EPHA6: variants seen among roughly 807,000 people sequenced by gnomAD.
EPHA6 encodes the protein EPH receptor A6, also known as ephrin type-A receptor 6.
A neutral mutation model predicts 112.0 loss-of-function variants in EPHA6; 50 were observed. The observed-to-expected ratio is 0.45, with a 90% CI of 0.36 to 0.56. The LOEUF (loss-of-function observed/expected upper bound fraction) is 0.56. Ranked by LOEUF, EPHA6 falls within the 20% of genes least tolerant of loss-of-function variation. The pLI, the probability that EPHA6 is intolerant of heterozygous loss-of-function variation, is 0.00. For missense variants in EPHA6, 1,280 were observed against 1,417.4 expected (o/e 0.90, Z 1.56); for synonymous variants, 529 against 490.7 (o/e 1.08, Z -1.03).
intron 11 of EPHA6, among the ~76,000 whole-genome samples, chr3:97,555,851 C>T (rs894459737): frequency 1.2e-4 from 19 of 152,026 alleles, no homozygotes; most frequent in Admixed American, 5.2e-4. Flanking sequence ...GAGTAGGTTG[C>T]GAAAATTTTC....
chr3:97,453,272 A>G (rs1254047280), intron 7 of EPHA6, among the ~76,000 whole-genome samples: 2 of 151,710 alleles, frequency 1.3e-5, no homozygotes, highest in Non-Finnish European at 3.0e-5. Context: ...TTTTGAAAGA[A>G]AATTGGAATT....
intron 2 of EPHA6, among the ~76,000 whole-genome samples, chr3:96,892,619 G>T (rs2038031918): frequency 6.6e-6 from 1 of 151,918 alleles, no homozygotes; most frequent in South Asian, 2.1e-4. Flanking sequence ...GAGTATTATT[G>T]TCTGTGTAAT....
chr3:97,009,445 A>G (rs907267713), intron 3 of EPHA6, among the ~76,000 whole-genome samples: 36 of 152,308 alleles, frequency 2.4e-4, no homozygotes, highest in African/African-American at 7.9e-4. Flanking sequence ...GGACCAAACC[A>G]TCCAGCCTCC....
intron 3 of EPHA6, among the ~76,000 whole-genome samples, chr3:97,003,234 A>C (rs2107911541): frequency 6.6e-6 from 1 of 152,236 alleles, no homozygotes; most frequent in East Asian, 1.9e-4. Context: ...CATCCACCCA[A>C]GTAGCTGGGA....
At chr3:97,536,750 C>A (rs1193506443) in intron 11 of EPHA6, among the ~76,000 whole-genome samples, 1 of 152,002 alleles carries the variant, frequency 6.6e-6, no homozygotes, top group Admixed American at 6.6e-5. Flanking sequence ...TAGGCATTCC[C>A]CAAAATTTCT....
intron 2 of EPHA6, among the ~76,000 whole-genome samples, chr3:96,897,376 C>G (rs1011637752): frequency 6.6e-6 from 1 of 152,100 alleles, no homozygotes; most frequent in South Asian, 2.1e-4. Flanking sequence ...GTGCTAACAC[C>G]TGACCATAGT....
chr3:97,386,111 A>C (rs1457884682), intron 5 of EPHA6, among the ~76,000 whole-genome samples: 3 of 152,060 alleles, frequency 2.0e-5, no homozygotes, highest in African/African-American at 7.2e-5. Context: ...TCAAGCATTA[A>C]CTCAAAAGTC....
At chr3:97,459,573 T>G (rs545926656) in intron 7 of EPHA6, among the ~76,000 whole-genome samples, 14 of 152,280 alleles carry the variant, frequency 9.2e-5, no homozygotes, top group Non-Finnish European at 1.6e-4. Context: ...TTATTTTTCT[T>G]CCAGCTGTAT....
At chr3:97,386,822 C>T (rs1443239772) in intron 5 of EPHA6, among the ~76,000 whole-genome samples, 1 of 151,906 alleles carries the variant, frequency 6.6e-6, no homozygotes, top group Non-Finnish European at 1.5e-5. Flanking sequence ...AGACTTTCTG[C>T]CTGGACATCC....
At chr3:97,567,721 C>T (rs9868829) in intron 11 of EPHA6, among the ~76,000 whole-genome samples, 41,092 of 152,042 alleles carry the variant, frequency 0.27, 8,609 homozygotes, top group African/African-American at 0.57. Flanking sequence ...ACACTAAGGA[C>T]TACCTCTTAC....
chr3:96,963,080 T>A (rs2042002834), intron 2 of EPHA6, among the ~76,000 whole-genome samples: 1 of 150,642 alleles, frequency 6.6e-6, no homozygotes, highest in African/African-American at 2.5e-5. Flanking sequence ...GAGAATCGCT[T>A]GAGCTCAGGA....
intron 12 of EPHA6, among the ~76,000 whole-genome samples, chr3:97,607,178 CT>C: frequency 7.6e-6 from 1 of 131,758 alleles, no homozygotes; most frequent in East Asian, 2.1e-4. Flanking sequence ...CAAATATTGT[CT>C]GAGGCAAAAA....
At chr3:97,717,735 T>C (rs923169643) in intron 14 of EPHA6, among the ~76,000 whole-genome samples, 1 of 152,222 alleles carries the variant, frequency 6.6e-6, no homozygotes, top group African/African-American at 2.4e-5. Context: ...ATTGAGTTCA[T>C]AACAGGGAGC....
rs533410163 is a variant in EPHA6 at position 97,236,436 on chromosome 3, A to G, written c.1271-7516A>G. Reference sequence around the variant, plus strand: ...TTTCATGTATTTAAATCAATAGAGAAATTGTCTTTTAAAACTATTAAACAG... The same window carrying G: ...TTTCATGTATTTAAATCAATAGAGAGATTGTCTTTTAAAACTATTAAACAG... On this transcript the variant is annotated intron_variant, in intron 4 of 17. Coordinates refer to ENST00000389672, the MANE Select transcript of EPHA6 (RefSeq NM_001080448.3). 3.3e-5 allele frequency among the ~76,000 whole-genome samples: 5 copies of G among 152,164 alleles called. No homozygotes were observed. In the South Asian group the frequency reaches 1.0e-3, roughly 32 times the overall value.
chr3:97,089,334 T>C (rs2046995387), intron 3 of EPHA6, among the ~76,000 whole-genome samples: 1 of 151,830 alleles, frequency 6.6e-6, no homozygotes, highest in South Asian at 2.1e-4. Flanking sequence ...TTTTCACAGT[T>C]TGCTTTTTTA....
At chr3:96,888,114 C>T (rs2037740389) in intron 2 of EPHA6, among the ~76,000 whole-genome samples, 1 of 152,172 alleles carries the variant, frequency 6.6e-6, no homozygotes, top group Admixed American at 6.5e-5. Context: ...CAGGAAGCTT[C>T]TCACCCCATT....
In EPHA6 at chr3:97,631,441, G is replaced by T. The variant is rs111790308; in HGVS notation, c.2575-6432G>T. ...AGCCATTTTATAGCTCAAGTCAAAG[G>T]TTTGGAATTAATAATTTTACAAGGC... is the stretch of plus-strand genomic sequence containing the variant. On this transcript the variant is annotated intron_variant, in intron 13 of 17. Transcript: ENST00000389672. Among the ~76,000 whole-genome samples, 455 of 152,044 alleles carry T rather than the reference G, an allele frequency of 3.0e-3. 4 individuals are homozygous for T. The highest frequency in any genetic ancestry group is 0.01 in the African/African-American group (422 of 41,496).
At chr3:97,275,505 A>G (rs569602048) in intron 5 of EPHA6, among the ~76,000 whole-genome samples, 23 of 152,044 alleles carry the variant, frequency 1.5e-4, no homozygotes, top group Non-Finnish European at 1.3e-4. Context: ...GGAGGTATTG[A>G]GGATAGGAGA....
intron 14 of EPHA6, among the ~76,000 whole-genome samples, chr3:97,687,248 C>A (rs962040064): frequency 6.6e-6 from 1 of 152,052 alleles, no homozygotes; most frequent in Admixed American, 6.6e-5. Context: ...AGATCCTTCA[C>A]TATAAAAAAA....
Sources: gnomAD v4.1 joint callset for allele counts (sites outside exome capture counted in the v4.1 genomes callset) on GRCh38, gnomAD v4.1.1 for gene constraint, MANE v1.5 for transcripts, NCBI Gene and HGNC (gene_info 2026-07-23, HGNC 2026-07-21) for gene names.